The following TRIM14 variants were observed in gnomAD, a reference collection of about 807,000 sequenced individuals.
The protein encoded by TRIM14 is tripartite motif-containing protein 14.
Under a neutral mutation model 44.5 loss-of-function variants are expected in TRIM14, and 28 were observed. That is an observed-to-expected ratio of 0.63 (90% confidence interval 0.47 to 0.86). TRIM14 has a LOEUF of 0.86. Among genes scored for constraint, TRIM14 ranks in the 40% least tolerant of loss-of-function variants. TRIM14 has a pLI of 0.00. For missense variants in TRIM14, 607 were observed against 611.1 expected (o/e 0.99, Z 0.07); for synonymous variants, 299 against 269.2 (o/e 1.11, Z -1.08).
the TRIM14 span, chr9:98,061,036 G>T: frequency 6.3e-7 from 1 of 1,599,762 alleles, no homozygotes; most frequent in South Asian, 1.1e-5. Flanking sequence ...CACTTTAGCA[G>T]ACCAAGGGTC....
chr9:98,082,842 A>G (rs370918986), downstream of TRIM14: 12 of 1,613,714 alleles, frequency 7.4e-6, no homozygotes, highest in African/African-American at 1.3e-5. Flanking sequence ...CATTTTGTCC[A>G]CAGCTGGGCA....
At chr9:98,050,993 C>T in the TRIM14 span, among the ~76,000 whole-genome samples, 56 of 152,096 alleles carry the variant, frequency 3.7e-4, no homozygotes, top group South Asian at 6.2e-4. Flanking sequence ...AGGACGATCT[C>T]GAACTCCTGG....
the TRIM14 span, chr9:98,060,775 G>A: frequency 6.2e-7 from 1 of 1,613,734 alleles, no homozygotes; most frequent in Non-Finnish European, 8.5e-7. Flanking sequence ...CCTAATGTGT[G>A]TTGTAGGAGT....
downstream of TRIM14, chr9:98,084,252 A>T (rs1825683663): frequency 6.6e-6 from 1 of 152,212 alleles, no homozygotes; most frequent in Non-Finnish European, 1.5e-5. Flanking sequence ...GAAGGTTCCC[A>T]GGCTGCGGAT....
At chr9:98,081,258 T>C, downstream of TRIM14, 1 of 799,638 alleles carries the variant, frequency 1.3e-6, no homozygotes, top group Non-Finnish European at 1.9e-6. Flanking sequence ...CATGTCACTC[T>C]GGCCTGTAGC....
chr9:98,101,270 C>T (rs186901465), intron 2 of TRIM14, among the ~76,000 whole-genome samples: 5 of 152,122 alleles, frequency 3.3e-5, no homozygotes, highest in African/African-American at 1.2e-4. Context: ...ACACCATGCC[C>T]AGCCCAGAAA....
At chr9:98,100,231 G>GA in intron 2 of TRIM14, 67 bp from the exon 3 acceptor site, 1 of 1,431,790 alleles carries the variant, frequency 7.0e-7, no homozygotes, top group Non-Finnish European at 9.8e-7. Flanking sequence ...TAATCAACAT[G>GA]AAAAAAATCA....
chr9:98,100,065 T>A lies in TRIM14; in HGVS notation c.403A>T (p.Lys135Ter). 6.2e-7 allele frequency: 1 copy of A among 1,614,234 alleles called. No homozygotes were observed. The change falls in exon 3 of 6, where the codon AAA (lysine) becomes TAA (stop). Residue 135 changes from lysine to a stop codon, truncating the protein, a stop_gained. Transcript: ENST00000341469. LOFTEE classifies it high-confidence loss of function. ...EEALAKKFID[K>*]NTQLTLQVYR... is the part of the protein sequence containing the mutation. ...ACCTGGAGGGTAAGCTGCGTGTTTT[T>A]ATCAATGAATTTCTTGGCCAGCGCT...
chr9:98,093,901 A>T (rs988888921), intron 4 of TRIM14, among the ~76,000 whole-genome samples: 3 of 152,104 alleles, frequency 2.0e-5, no homozygotes, highest in Admixed American at 6.5e-5. Flanking sequence ...GCATGCCACC[A>T]TGCCTGGCTA....
At chr9:98,111,904 C>T (rs997677546) in intron 1 of TRIM14, among the ~76,000 whole-genome samples, 5 of 152,272 alleles carry the variant, frequency 3.3e-5, no homozygotes, top group South Asian at 2.1e-4. Flanking sequence ...CACCATTGCA[C>T]TCCAACCAGG....
the TRIM14 span, among the ~76,000 whole-genome samples, chr9:98,055,746 T>TTA: frequency 6.6e-6 from 1 of 151,918 alleles, no homozygotes; most frequent in African/African-American, 2.4e-5. Flanking sequence ...TTAATTAATT[T>TTA]ATTTATTTTT....
intron 6 of TRIM14, among the ~76,000 whole-genome samples, chr9:98,074,344 G>C (rs371215690): frequency 1.9e-3 from 295 of 152,176 alleles, no homozygotes; most frequent in African/African-American, 6.8e-3. Flanking sequence ...TGAGGCTGCC[G>C]GGCTGCATGG....
intron 5 of TRIM14, 41 bp from the exon 6 acceptor site, chr9:98,088,046 C>A: frequency 7.1e-7 from 1 of 1,416,494 alleles, no homozygotes; most frequent in African/African-American, 1.5e-5. Context: ...GTGGGCGGGG[C>A]CAGCGCGGCG....
intron 6 of TRIM14, among the ~76,000 whole-genome samples, chr9:98,070,865 C>T (rs367954487): frequency 6.7e-6 from 1 of 149,796 alleles, no homozygotes; most frequent in Non-Finnish European, 1.5e-5. Flanking sequence ...AGAGTAGCAG[C>T]ACAATCATAG....
At chr9:98,070,266 T>C (rs138376947) in intron 6 of TRIM14, among the ~76,000 whole-genome samples, 58 of 152,094 alleles carry the variant, frequency 3.8e-4, no homozygotes, top group East Asian at 1.7e-3. Context: ...TACAGGTGTA[T>C]GCCACCATGC....
chr9:98,038,347 C>G, the TRIM14 span, among the ~76,000 whole-genome samples: 1 of 152,120 alleles, frequency 6.6e-6, no homozygotes, highest in Non-Finnish European at 1.5e-5. Context: ...CTACCAAGCC[C>G]GGCCTAATTT....
the TRIM14 span, chr9:98,060,678 A>G: frequency 9.1e-7 from 1 of 1,097,570 alleles, no homozygotes; most frequent in Non-Finnish European, 1.4e-6. Flanking sequence ...CTCTAAATAA[A>G]TAAATAAATA....
intron 2 of TRIM14, among the ~76,000 whole-genome samples, chr9:98,109,219 C>T (rs778920539): frequency 1.4e-4 from 21 of 150,966 alleles, no homozygotes; most frequent in South Asian, 2.1e-4. Context: ...GCCCTCACTG[C>T]GAGGAGGGAG....
At chr9:98,081,215 G>T (rs776696635), downstream of TRIM14, 2 of 1,222,736 alleles carry the variant, frequency 1.6e-6, no homozygotes, top group Non-Finnish European at 2.3e-6. Context: ...GCTCCCACCC[G>T]TGTCAGCTTC....
Sources: allele counts gnomAD v4.1 joint callset (sites outside exome capture counted in the v4.1 genomes callset), GRCh38; gene constraint gnomAD v4.1.1; transcripts MANE v1.5; gene names NCBI Gene and HGNC (gene_info 2026-07-23, HGNC 2026-07-21).